TUT1: variants seen among roughly 807,000 people sequenced by gnomAD.
TUT1 encodes speckle targeted PIP5K1A-regulated poly(A) polymerase.
A neutral mutation model predicts 48.8 loss-of-function variants in TUT1; 26 were observed. That is an observed-to-expected ratio of 0.53 (90% CI 0.39 to 0.74). TUT1 has a LOEUF of 0.74. Among genes scored for constraint, TUT1 ranks in the 30% least tolerant of loss-of-function variants. The pLI is 0.00. For missense variants in TUT1, 1,065 were observed against 1,114.8 expected (o/e 0.96, Z 0.64); for synonymous variants, 470 against 460.8 (o/e 1.02, Z -0.26).
chr11:62,575,245 T>C lies in TUT1; in HGVS notation c.2474A>G (p.Glu825Gly). 1 of 1,614,180 alleles carries C rather than the reference T, an allele frequency of 6.2e-7. No homozygotes were observed. The highest frequency in any genetic ancestry group is 8.5e-7 in the Non-Finnish European group (1 of 1,180,006). The change falls in exon 9 of 9, where the codon GAA (glutamate) becomes GGA (glycine). Residue 825 changes from glutamate (E) to glycine (G), a missense_variant. By Grantham distance (98) the Glu-to-Gly change is moderately conservative (BLOSUM62 -2). Coordinates refer to ENST00000476907, the MANE Select transcript of TUT1 (RefSeq NM_022830.3). ...KGLSGGEERP[E>G]TEPLLSFVAS... ...CACAAAGCTCAGCAGGGGCTCAGTTTCTGGCCTCTCTTCGCCACCACTCAG... is the reference window on the plus strand; with the variant it reads ...CACAAAGCTCAGCAGGGGCTCAGTTCCTGGCCTCTCTTCGCCACCACTCAG...
chr11:62,575,927 TGGGCTGCAGAAGAGG>T lies in TUT1; in HGVS notation c.1777_1791del (p.Pro593_Pro597del). 6.2e-7 allele frequency: 1 copy of T among 1,614,026 alleles called. No homozygotes were observed. The highest frequency in any genetic ancestry group is 1.1e-5 in the South Asian group (1 of 91,080). On this transcript the variant is annotated inframe_deletion, in exon 9 of 9. Transcript: ENST00000476907. ...GCAGAGAGCAGGGAGCTGGGGGAGC[TGGGCTGCAGAAGAGG>T]GAGCAGCCCCCAGTCCCGACCCCGG...
In TUT1 at chr11:62,589,128, AAC is replaced by A; in HGVS notation, c.174_175del (p.Phe59CysfsTer15). The A allele has an allele frequency of 6.2e-7, 1 of 1,614,244 alleles. No individual in the cohort carries two copies. The highest frequency in any genetic ancestry group is 1.1e-5 in the South Asian group (1 of 91,088). On this transcript the variant is annotated frameshift_variant, in exon 2 of 9. Coordinates refer to ENST00000476907, the MANE Select transcript of TUT1 (RefSeq NM_022830.3). LOFTEE classifies it high-confidence loss of function. ...CACATCCCTGGGAAAGCCACTGACA[AAC>A]ACACTTCGAAGTCCCTGGGCCTTTC...
chr11:62,576,272 G>T, intron 8 of TUT1, 28 bp from the exon 9 acceptor site: 1 of 1,518,088 alleles, frequency 6.6e-7, no homozygotes, highest in East Asian at 2.3e-5. Flanking sequence ...GTGGGGAAAG[G>T]GGGGTCACTT....
intron 2 of TUT1, among the ~76,000 whole-genome samples, chr11:62,583,640 T>G (rs563993149): frequency 1.4e-4 from 21 of 152,296 alleles, no homozygotes; most frequent in African/African-American, 4.1e-4. Context: ...AAAACAGGAC[T>G]GCTTTAGGCA....
Position 62,589,034 on chromosome 11 carries a change from G to C in TUT1, c.270C>G (p.Asp90Glu). The C allele has an allele frequency of 6.2e-7, 1 of 1,613,422 alleles. No individual in the cohort carries two copies. The highest frequency in any genetic ancestry group is 8.5e-7 in the Non-Finnish European group (1 of 1,179,554). The change falls in exon 2 of 9, where the codon GAC (aspartate) becomes GAG (glutamate). Residue 90 changes from aspartate to glutamate, a missense_variant. Coordinates refer to ENST00000476907, the MANE Select transcript of TUT1 (RefSeq NM_022830.3). Reference protein sequence around the residue: ...GPVASVVMDKDKGVFAIVEMG... With the variant: ...GPVASVVMDKEKGVFAIVEMG... ...ACCCGAGAGCCATTCACTTTACCTT[G>C]TCCTTGTCCATGACAACACTGGCCA...
At chr11:62,585,005 G>A (rs1002219539) in intron 2 of TUT1, among the ~76,000 whole-genome samples, 3 of 149,898 alleles carry the variant, frequency 2.0e-5, no homozygotes, top group Admixed American at 6.6e-5. Flanking sequence ...TGTATTTTTA[G>A]TAGAGACGGT....
At position 62,575,231 on chromosome 11, in the gene TUT1, G is replaced by C; in HGVS notation, c.2488C>G (p.Leu830Val). The C allele has an allele frequency of 2.5e-6, 4 of 1,614,130 alleles. No individual in the cohort carries two copies. The highest frequency in any genetic ancestry group is 3.4e-6 in the Non-Finnish European group (4 of 1,179,960). The change falls in exon 9 of 9, where the codon CTG (leucine) becomes GTG (valine). Residue 830 changes from leucine (L) to valine (V), a missense_variant. Transcript: ENST00000476907. Reference sequence around the variant, plus strand: ...GGGGAGACAGACGCCACAAAGCTCAGCAGGGGCTCAGTTTCTGGCCTCTCT... The same window carrying C: ...GGGGAGACAGACGCCACAAAGCTCACCAGGGGCTCAGTTTCTGGCCTCTCT... The part of the protein sequence containing the change: ...GEERPETEPL[L>V]SFVASVSPAD...
rs759738803 is a variant in TUT1 at position 62,589,084 on chromosome 11, CAG to C, written c.218_219del (p.Ser73Ter). On this transcript the variant is annotated frameshift_variant, in exon 2 of 9. Coordinates refer to ENST00000476907, the MANE Select transcript of TUT1 (RefSeq NM_022830.3). LOFTEE classifies it high-confidence loss of function. ...ACAGGTCCAAATGCTAGGAAGTACT[CAG>C]AGAGCTGAGCAGAATCCACATCCCT... Reference protein sequence around the residue: ...FPRDVDSAQLSEYFLAFGPVA... With the variant: ...FPRDVDSAQLXEYFLAFGPVA... The C allele has an allele frequency of 6.2e-7, 1 of 1,614,178 alleles. No homozygotes were observed. Among genetic ancestry groups the C allele is most frequent in the South Asian group, 1.1e-5 (1 of 91,084 alleles).
chr11:62,584,660 T>A (rs1239422550), intron 2 of TUT1, among the ~76,000 whole-genome samples: 3 of 151,828 alleles, frequency 2.0e-5, no homozygotes, highest in Non-Finnish European at 2.9e-5. Context: ...GCCAGGCTGG[T>A]CTCCAACTCC....
Position 62,578,737 on chromosome 11 carries a change from C to T in TUT1, c.984G>A (p.Glu328=), listed in dbSNP as rs368692636. The part of the protein sequence containing the change: ...GDLGKASELA[E]TPKEEKAEGA... ...CCTCTGCTTTCTCCTCCTTTGGGGT[C>T]TCTGCTAGTTCCGAGGCCTTCCCCA... is the stretch of plus-strand genomic sequence containing the variant. Residue 328 remains glutamate (E), a synonymous_variant, in exon 5 of 9, where the codon GAG becomes GAA. Coordinates refer to ENST00000476907, the MANE Select transcript of TUT1 (RefSeq NM_022830.3). 8.1e-6 allele frequency: 13 copies of T among 1,614,070 alleles called. No individual in the cohort carries two copies. The highest frequency in any genetic ancestry group is 1.1e-5 in the Non-Finnish European group (13 of 1,180,050).
At position 62,577,247 on chromosome 11, in the gene TUT1, A is replaced by G. The variant is rs1941744749; in HGVS notation, c.1205T>C (p.Leu402Pro). Reference sequence around the variant, plus strand: ...CACGAGGGGCCGGACTCGACCATCCAGCTCAGAGCAGAGACTCAGGAAACG... The same window carrying G: ...CACGAGGGGCCGGACTCGACCATCCGGCTCAGAGCAGAGACTCAGGAAACG... ...NSRFLSLCSELDGRVRPLVYT... is the reference protein window; with the variant it reads ...NSRFLSLCSEPDGRVRPLVYT... Residue 402 changes from leucine to proline, a missense_variant, in exon 6 of 9, where the codon CTG becomes CCG. Leu to Pro is a moderately conservative substitution (Grantham distance 98, BLOSUM62 -3). Coordinates refer to ENST00000476907, the MANE Select transcript of TUT1 (RefSeq NM_022830.3). 4.3e-6 allele frequency: 7 copies of G among 1,612,066 alleles called. No homozygotes were observed. Among genetic ancestry groups the G allele is most frequent in the African/African-American group, 1.3e-5 (1 of 74,730 alleles).
rs754863102 is a variant in TUT1 at position 62,581,558 on chromosome 11, G to C, written c.417C>G (p.Pro139=). The part of the protein sequence containing the change: ...KEFQSPASKS[P]KGAAPDSHQL... ...GGTGACTGTCGGGGGCCGCTCCTTT[G>C]GGGGATTTGGAGGCCGGGCTCTGGA... The change falls in exon 3 of 9, where the codon CCC becomes CCG. Residue 139 remains proline, a synonymous_variant. Coordinates refer to ENST00000476907, the MANE Select transcript of TUT1 (RefSeq NM_022830.3). 5 of 1,612,724 alleles carry C rather than the reference G, an allele frequency of 3.1e-6. 1 individual carries two copies. The South Asian group carries it at 4.4e-5, about 14-fold the overall frequency.
At position 62,576,900 on chromosome 11, in the gene TUT1, C is replaced by T. The variant is rs1204198817; in HGVS notation, c.1381+7G>A. The T allele has an allele frequency of 1.3e-5, 21 of 1,613,320 alleles. No homozygotes were observed. Among genetic ancestry groups the T allele is most frequent in the African/African-American group, 2.7e-5 (2 of 74,832 alleles). On this transcript the variant is annotated splice_region_variant and intron_variant, in intron 7 of 8. Coordinates refer to ENST00000476907, the MANE Select transcript of TUT1 (RefSeq NM_022830.3). ...AAGATGGAGAGGGTGGAGGCTAGGCCGAGTACCTGCTTTCTGGGTGAGCTG... is the reference window on the plus strand; with the variant it reads ...AAGATGGAGAGGGTGGAGGCTAGGCTGAGTACCTGCTTTCTGGGTGAGCTG...
intron 8 of TUT1, 182 bp downstream of exon 8, chr11:62,576,475 C>T (rs1941729728): frequency 1.3e-6 from 1 of 788,508 alleles, no homozygotes; most frequent in Non-Finnish European, 2.0e-6. Flanking sequence ...CCAGTGTAAC[C>T]TTGGGCAAGT....
At chr11:62,577,111 C>T (rs1232845020) in intron 6 of TUT1, 71 bp downstream of exon 6, 4 of 1,589,442 alleles carry the variant, frequency 2.5e-6, no homozygotes, top group Non-Finnish European at 3.4e-6. Context: ...TCTGACCTCC[C>T]TTCTCTCCCT....
At position 62,576,133 on chromosome 11, in the gene TUT1, T is replaced by C; in HGVS notation, c.1586A>G (p.Asn529Ser). 1.9e-6 allele frequency: 3 copies of C among 1,613,798 alleles called. No homozygotes were observed. Among genetic ancestry groups the C allele is most frequent in the Non-Finnish European group, 2.5e-6 (3 of 1,179,964 alleles). Residue 529 changes from asparagine to serine, a missense_variant, in exon 9 of 9, where the codon AAT becomes AGT. Transcript: ENST00000476907. ...GCCAAGGCGCAGACCCTCCCAGAGA[T>C]TAGAAGGCAGGCCCCCTGCCACAGG... The part of the protein sequence containing the change: ...ALPVAGGLPS[N>S]LWEGLRLGPL...
At chr11:62,576,453 G>T in intron 8 of TUT1, 1 of 786,108 alleles carries the variant, frequency 1.3e-6, no homozygotes, top group Non-Finnish European at 2.0e-6. Flanking sequence ...AGATGCTGCT[G>T]CTCCTTGCTA....
In TUT1 at chr11:62,575,690, G is replaced by A. The variant is rs1219741802; in HGVS notation, c.2029C>T (p.Gln677Ter). 9 of 1,614,002 alleles carry A rather than the reference G, an allele frequency of 5.6e-6. No individual in the cohort carries two copies. Among genetic ancestry groups the A allele is most frequent in the African/African-American group, 5.3e-5 (4 of 74,916 alleles). The change falls in exon 9 of 9, where the codon CAG becomes TAG. Residue 677 changes from glutamine (Q) to a stop codon, truncating the protein, a stop_gained. Transcript: ENST00000476907. LOFTEE classifies it low-confidence loss of function (END_TRUNC). Reference sequence around the variant, plus strand: ...CCACCGTCCCCTGCACATCCCTGCTGCTCCTCTTTCCCCTCCTCACAGCAG... The same window carrying A: ...CCACCGTCCCCTGCACATCCCTGCTACTCCTCTTTCCCCTCCTCACAGCAG... ...KNCCEEGKEEQQGCAGDGGED... is the reference protein window; with the variant it reads ...KNCCEEGKEE
In TUT1 at chr11:62,581,591, C is replaced by T. The variant is rs771065083; in HGVS notation, c.384G>A (p.Gln128=). 3.1e-6 allele frequency: 5 copies of T among 1,606,954 alleles called. No homozygotes were observed. The East Asian group carries it at 1.1e-4, about 36-fold the overall frequency. The change falls in exon 3 of 9, where the codon CAG becomes CAA. Residue 128 remains glutamine, a synonymous_variant. Transcript: ENST00000476907. ...TGGAGGCCGGGCTCTGGAACTCCTT[C>T]TGCTCCCGTGGGCGGACACGCAGGC... ...GHRLRVRPRE[Q]KEFQSPASKS...
Sources: allele counts gnomAD v4.1 joint callset (sites outside exome capture counted in the v4.1 genomes callset), GRCh38; gene constraint gnomAD v4.1.1; transcripts MANE v1.5; gene names NCBI Gene and HGNC (gene_info 2026-07-23, HGNC 2026-07-21).